Variants in PAX2 observed in about 807,000 individuals in gnomAD.
PAX2 encodes paired box 2.
A neutral mutation model predicts 41.7 loss-of-function variants in PAX2; 9 were observed. That is an observed-to-expected ratio of 0.22 (90% CI 0.13 to 0.38). The LOEUF is 0.38. Ranked by LOEUF, PAX2 falls within the 10% of genes least tolerant of loss-of-function variation. The pLI, the probability that PAX2 is intolerant of heterozygous loss-of-function variation, is 1.00. For synonymous variants in PAX2, 221 were observed against 212.7 expected, an observed-to-expected ratio of 1.04 and a Z score of -0.34; for missense variants, 418 against 531.6, an observed-to-expected ratio of 0.79 and a Z score of 2.10.
chr10:100,793,602 A>G (rs1847216802), intron 5 of PAX2, among the ~76,000 whole-genome samples: 1 of 152,200 alleles, frequency 6.6e-6, no homozygotes, highest in Non-Finnish European at 1.5e-5. Flanking sequence ...GTGCTGGTAC[A>G]ATTCCCCGGG....
intron 3 of PAX2, among the ~76,000 whole-genome samples, chr10:100,778,026 CT>C (rs1233560594): frequency 6.6e-6 from 1 of 152,206 alleles, no homozygotes; most frequent in Non-Finnish European, 1.5e-5. Context: ...CTCCCCTCTA[CT>C]TCTTTGTTCA....
intron 3 of PAX2, among the ~76,000 whole-genome samples, chr10:100,771,715 T>C (rs1366367322): frequency 6.6e-6 from 1 of 152,192 alleles, no homozygotes; most frequent in Non-Finnish European, 1.5e-5. Context: ...AAGCCATGGA[T>C]ACGTGCCTGA....
chr10:100,759,198 A>C (rs1369932423), intron 3 of PAX2, among the ~76,000 whole-genome samples: 1 of 152,200 alleles, frequency 6.6e-6, no homozygotes, highest in Admixed American at 6.5e-5. Flanking sequence ...AGCTCCAGGC[A>C]TCTGGTAGTA....
At chr10:100,787,134 G>T (rs1451892444) in intron 5 of PAX2, 2 of 442,384 alleles carry the variant, frequency 4.5e-6, no homozygotes, top group Admixed American at 5.5e-5. Flanking sequence ...AGTTGGCTCA[G>T]GCTTCCACTG....
Position 100,827,692 on chromosome 10 carries a change from C to T in PAX2, c.*73C>T, listed in dbSNP as rs954575209. On this transcript the variant is annotated 3_prime_UTR_variant, in exon 10 of 10. Coordinates refer to ENST00000355243, the MANE Select transcript of PAX2 (RefSeq NM_000278.5). This position sits in a 1 kb window ranked among gnomAD's most constrained non-coding sequence, Gnocchi z 8.5. ...ACATCGTCCCCGTCTGACCCCACCC[C>T]GGAGGGAGGGAGGACCGACGCGACG... is the stretch of plus-strand genomic sequence containing the variant. 6.2e-7 allele frequency: 1 copy of T among 1,612,538 alleles called. No individual in the cohort carries two copies. The highest frequency in any genetic ancestry group is 8.5e-7 in the Non-Finnish European group (1 of 1,179,554).
rs114473047 is a variant in PAX2 at position 100,829,308 on chromosome 10, T to C, written c.*1689T>C. ...TCTCTGTCGCTCTTGTCTGTCTGTC[T>C]CTGCTCTTTCCTCGGCCTCTCTCCC... is the stretch of plus-strand genomic sequence containing the variant. On this transcript the variant is annotated 3_prime_UTR_variant, in exon 10 of 10. Coordinates refer to ENST00000355243, the MANE Select transcript of PAX2 (RefSeq NM_000278.5). 344 of 228,056 alleles carry C rather than the reference T, an allele frequency of 1.5e-3. 1 individual carries two copies. Among genetic ancestry groups the C allele is most frequent in the African/African-American group, 6.8e-3 (306 of 45,030 alleles). 14.1% of individuals were successfully genotyped at this position (228,056 alleles called of 1,614,324 possible).
rs1275912862 is a variant in PAX2 at position 100,748,003 on chromosome 10, C to T, written c.43+1700C>T. On this transcript the variant is annotated intron_variant, in intron 1 of 9. Coordinates refer to ENST00000355243, the MANE Select transcript of PAX2 (RefSeq NM_000278.5). The surrounding 1 kb of genome is among the most constrained non-coding windows in gnomAD (Gnocchi z 5.0). The stretch of plus-strand genomic sequence containing the variant: ...GAGGGAGAGAGCCGCAGCGCGGGCC[C>T]GCGGGCCGGTGGACTGGTGGGTGAG... The T allele has an allele frequency of 2.0e-6, 2 of 984,322 alleles. No individual in the cohort carries two copies. Among genetic ancestry groups the T allele is most frequent in the Non-Finnish European group, 2.4e-6 (2 of 829,756 alleles). The allele number at this position is 984,322 out of a possible 1,614,324, so 61.0% of individuals were successfully genotyped here.
rs1352105772 is a variant in PAX2, at chr10:100,829,623, C to G, written c.*2004C>G. 4.9e-6 allele frequency: 1 copy of G among 205,526 alleles called. No individual in the cohort carries two copies. The highest frequency in any genetic ancestry group is 2.3e-5 in the African/African-American group (1 of 43,706). The allele number at this position is 205,526 out of a possible 1,614,324, so 12.7% of individuals were successfully genotyped here. A position where few individuals can be genotyped will look rare whatever the true frequency, so the allele number is the denominator to read the frequency against. Reference sequence around the variant, plus strand: ...TTGGAGTCCTCGCCCAGATCTCTCTCCCCTGCGAGCCCTTTTTATTTGAGA... The same window carrying G: ...TTGGAGTCCTCGCCCAGATCTCTCTGCCCTGCGAGCCCTTTTTATTTGAGA... On this transcript the variant is annotated 3_prime_UTR_variant, in exon 10 of 10. Coordinates refer to ENST00000355243, the MANE Select transcript of PAX2 (RefSeq NM_000278.5).
intron 5 of PAX2, among the ~76,000 whole-genome samples, chr10:100,794,342 A>G (rs370028142): frequency 6.6e-6 from 1 of 152,234 alleles, no homozygotes; most frequent in Non-Finnish European, 1.5e-5. Flanking sequence ...GACTCATTAC[A>G]TAATATCTCT....
In PAX2 at chr10:100,826,209, A is replaced by AC. The variant is rs1848556789; in HGVS notation, c.1022-795dup. On this transcript the variant is annotated intron_variant, in intron 8 of 9. Coordinates refer to ENST00000355243, the MANE Select transcript of PAX2 (RefSeq NM_000278.5). This position sits in a 1 kb window ranked among gnomAD's most constrained non-coding sequence, Gnocchi z 5.5. ...AGGCTTTCCAGTGGCTGCATCCCCCACCCCCACCCCAGCTCCCTCTCAGAG... is the reference window on the plus strand; with the variant it reads ...AGGCTTTCCAGTGGCTGCATCCCCCACCCCCCACCCCAGCTCCCTCTCAGAG... 5.0e-5 allele frequency among the ~76,000 whole-genome samples: 3 copies of AC among 60,006 alleles called. No homozygotes were observed. Among genetic ancestry groups the AC allele is most frequent in the Non-Finnish European group, 6.9e-5 (2 of 28,884 alleles). The allele number at this position is 60,006 out of a possible 152,430, so 39.4% of individuals were successfully genotyped here.
At position 100,749,734 on chromosome 10, in the gene PAX2, G is replaced by T. The variant is rs1474356606; in HGVS notation, c.44-12G>T. On this transcript the variant is annotated splice_polypyrimidine_tract_variant and intron_variant, in intron 1 of 9. Coordinates refer to ENST00000355243, the MANE Select transcript of PAX2 (RefSeq NM_000278.5). ...GTGTGGGGTGTTGTGTTTTTTTCTT[G>T]TCTCTCCCCAGCAGGGCACGGGGGT... 1.9e-6 allele frequency: 3 copies of T among 1,604,518 alleles called. No individual in the cohort carries two copies. Among genetic ancestry groups the T allele is most frequent in the Non-Finnish European group, 2.6e-6 (3 of 1,173,938 alleles).
chr10:100,767,362 G>A (rs1268284888), intron 3 of PAX2, among the ~76,000 whole-genome samples: 2 of 152,196 alleles, frequency 1.3e-5, no homozygotes, highest in Non-Finnish European at 2.9e-5. Context: ...TAAGGCCTCT[G>A]GGCTCTCATT....
At chr10:100,735,714 A>C in exon 1 of PAX2, 1 of 1,048,276 alleles carries the variant, frequency 9.5e-7, no homozygotes, top group African/African-American at 1.7e-5. Context: ...CTAGCATGGA[A>C]GAGCGCGCGG....
upstream of PAX2, among the ~76,000 whole-genome samples, chr10:100,740,960 T>G (rs1375839344): frequency 6.6e-6 from 1 of 152,204 alleles, no homozygotes; most frequent in Non-Finnish European, 1.5e-5. Flanking sequence ...AGTTCCCTAG[T>G]AGAGTGGCCC....
chr10:100,745,344 C>CTCCG (rs1845111836), upstream of PAX2, among the ~76,000 whole-genome samples: 1 of 150,886 alleles, frequency 6.6e-6, no homozygotes, highest in South Asian at 2.1e-4. Context: ...TCGCCGGCTG[C>CTCCG]TCCCTCCCTC....
intron 5 of PAX2, among the ~76,000 whole-genome samples, chr10:100,793,360 C>T: frequency 6.6e-6 from 1 of 152,270 alleles, no homozygotes; most frequent in Admixed American, 6.5e-5. Flanking sequence ...TCCTTCCTCC[C>T]CGGGTCTGTC....
chr10:100,741,645 G>A (rs1465783443), upstream of PAX2, among the ~76,000 whole-genome samples: 1 of 152,150 alleles, frequency 6.6e-6, no homozygotes, highest in African/African-American at 2.4e-5. Context: ...GTCGGCTCTG[G>A]AGTTCGGTTG....
At chr10:100,742,805 T>TTCTTTC (rs1465613060), upstream of PAX2, among the ~76,000 whole-genome samples, 1 of 150,488 alleles carries the variant, frequency 6.6e-6, no homozygotes, top group Non-Finnish European at 1.5e-5. Flanking sequence ...GTTGTTTTCT[T>TTCTTTC]TCTTTCTCTT....
intron 5 of PAX2, among the ~76,000 whole-genome samples, chr10:100,782,012 G>A (rs974279314): frequency 1.3e-5 from 2 of 152,198 alleles, no homozygotes; most frequent in African/African-American, 2.4e-5. Flanking sequence ...AAATAAGGGG[G>A]AGAGTGGTAG....
Sources: allele counts gnomAD v4.1 joint callset (sites outside exome capture counted in the v4.1 genomes callset), GRCh38; gene constraint gnomAD v4.1.1; non-coding constraint Gnocchi (gnomAD v3.1); transcripts MANE v1.5; gene names NCBI Gene and HGNC (gene_info 2026-07-23, HGNC 2026-07-21).